Variants in DLC1 observed in about 807,000 individuals in gnomAD.
The protein encoded by DLC1 is rho GTPase-activating protein 7.
Under a neutral mutation model 140.3 loss-of-function variants are expected in DLC1, and 54 were observed. The observed-to-expected ratio is 0.38, with a 90% CI of 0.31 to 0.48. The LOEUF is 0.48. Among genes scored for constraint, DLC1 ranks in the 20% least tolerant of loss-of-function variants. The pLI is 0.96. For missense variants in DLC1, 2,536 were observed against 1,907.0 expected (o/e 1.33, Z -6.14); for synonymous variants, 986 against 728.1 (o/e 1.35, Z -5.70).
intron 5 of DLC1, among the ~76,000 whole-genome samples, chr8:13,200,942 C>G (rs1248817498): frequency 6.6e-6 from 1 of 152,144 alleles, no homozygotes; most frequent in African/African-American, 2.4e-5. Context: ...AGGTTTGGCT[C>G]TGAATCTCCA....
At chr8:13,502,577 T>C (rs952747850) in intron 1 of DLC1, among the ~76,000 whole-genome samples, 13 of 152,210 alleles carry the variant, frequency 8.5e-5, no homozygotes, top group Admixed American at 2.0e-4. Context: ...GAGCATTAGA[T>C]TATTGTCAAT....
At chr8:13,283,346 T>G (rs560278442) in intron 5 of DLC1, among the ~76,000 whole-genome samples, 1 of 152,004 alleles carries the variant, frequency 6.6e-6, no homozygotes, top group South Asian at 2.1e-4. Context: ...TCAACTTTTT[T>G]TTTCCAGAAA....
chr8:13,567,645 G>C (rs1266839408), intron 1 of DLC1: 1 of 1,551,670 alleles, frequency 6.4e-7, no homozygotes, highest in South Asian at 1.2e-5. Context: ...TGAAACAAAA[G>C]AAGACTTTAC....
At chr8:13,228,846 A>T (rs1410413388) in intron 5 of DLC1, among the ~76,000 whole-genome samples, 1 of 152,222 alleles carries the variant, frequency 6.6e-6, no homozygotes, top group Non-Finnish European at 1.5e-5. Flanking sequence ...ATCATCAGCC[A>T]TGCATACAGA....
intron 2 of DLC1, among the ~76,000 whole-genome samples, chr8:13,437,859 A>T (rs1250024638): frequency 2.6e-5 from 4 of 152,126 alleles, no homozygotes; most frequent in African/African-American, 7.2e-5. Context: ...AGGCCATTTG[A>T]TGCTGACACA....
At chr8:13,486,953 C>G (rs1224485842) in intron 2 of DLC1, among the ~76,000 whole-genome samples, 1 of 152,192 alleles carries the variant, frequency 6.6e-6, no homozygotes, top group African/African-American at 2.4e-5. Flanking sequence ...AATGTAGGTA[C>G]TGGTCAGCTG....
chr8:13,179,494 A>G (rs927948090), intron 5 of DLC1, among the ~76,000 whole-genome samples: 1 of 152,082 alleles, frequency 6.6e-6, no homozygotes, highest in African/African-American at 2.4e-5. Context: ...TCTGAGGCAG[A>G]CAGATTGCTT....
chr8:13,272,904 T>C (rs143554898), intron 5 of DLC1, among the ~76,000 whole-genome samples: 184 of 152,154 alleles, frequency 1.2e-3, no homozygotes, highest in African/African-American at 4.2e-3. Flanking sequence ...CAAACAAAAA[T>C]AGCTTTTAAC....
chr8:13,558,041 A>G (rs148581630), intron 1 of DLC1: 1 of 152,174 alleles, frequency 6.6e-6, no homozygotes, highest in African/African-American at 2.4e-5. Context: ...GCTCTGATTC[A>G]TGAGTGACAG....
chr8:13,184,430 G>A (rs976441177), intron 5 of DLC1, among the ~76,000 whole-genome samples: 1 of 152,072 alleles, frequency 6.6e-6, no homozygotes, highest in African/African-American at 2.4e-5. Context: ...TCTCTTGTGG[G>A]CATTTAGTGC....
intron 1 of DLC1, among the ~76,000 whole-genome samples, chr8:13,512,899 C>T (rs916532870): frequency 2.0e-5 from 3 of 150,040 alleles, no homozygotes; most frequent in African/African-American, 7.4e-5. Context: ...TGAAGGCATA[C>T]TGATTTGATT....
chr8:13,395,091 C>T (rs192730413), intron 3 of DLC1, among the ~76,000 whole-genome samples: 487 of 150,072 alleles, frequency 3.2e-3, no homozygotes, highest in Middle Eastern at 6.8e-3. Context: ...GTCTACCTTC[C>T]TATCCATCTA....
At chr8:13,200,361 C>T (rs547436732) in intron 5 of DLC1, among the ~76,000 whole-genome samples, 5 of 152,028 alleles carry the variant, frequency 3.3e-5, no homozygotes, top group East Asian at 3.9e-4. Flanking sequence ...TGCACCTGGC[C>T]GATAATTTAC....
intron 5 of DLC1, among the ~76,000 whole-genome samples, chr8:13,244,329 A>C (rs1829668223): frequency 7.1e-6 from 1 of 140,450 alleles, no homozygotes; most frequent in South Asian, 2.2e-4. Context: ...ACAGGATCTC[A>C]CTCTGTTGTT....
At position 13,579,358 on chromosome 8, in the gene DLC1, T is replaced by A. The variant is rs1414423295; in HGVS notation, c.-126+25179A>T. Among the ~76,000 whole-genome samples the A allele has an allele frequency of 4.8e-5, 2 of 41,654 alleles. 1 individual carries two copies. The highest frequency in any genetic ancestry group is 7.6e-5 in the Non-Finnish European group (2 of 26,146). The allele number at this position is 41,654 out of a possible 152,430, so 27.3% of individuals were successfully genotyped here. On this transcript the variant is annotated intron_variant, in intron 1 of 1. Coordinates refer to the DLC1 transcript ENST00000631382. ...ATATATATATATATATATATATATA[T>A]ATATTTTTATATAATACATATTTAT... is the stretch of plus-strand genomic sequence containing the variant.
chr8:13,502,138 C>G (rs1442383967), intron 1 of DLC1, among the ~76,000 whole-genome samples: 1 of 152,150 alleles, frequency 6.6e-6, no homozygotes, highest in Non-Finnish European at 1.5e-5. Flanking sequence ...GCCTTTAAGA[C>G]TTGACAATAA....
intron 4 of DLC1, among the ~76,000 whole-genome samples, chr8:13,344,644 G>A (rs1480332583): frequency 1.3e-5 from 2 of 152,206 alleles, no homozygotes; most frequent in African/African-American, 2.4e-5. Context: ...TGGTAGGAAT[G>A]GTTACTGATG....
chr8:13,361,725 C>T lies in DLC1; in HGVS notation c.1314+31828G>A, dbSNP rs190804732. ...TGAACTTTTAGACAAGTTTTCCCTACCAAAATCTAATGTCCCTTCTGTTAG... is the reference window on the plus strand; with the variant it reads ...TGAACTTTTAGACAAGTTTTCCCTATCAAAATCTAATGTCCCTTCTGTTAG... On this transcript the variant is annotated intron_variant, in intron 4 of 17. Coordinates refer to ENST00000276297, the MANE Select transcript of DLC1 (RefSeq NM_182643.3). Among the ~76,000 whole-genome samples, 435 of 152,276 alleles carry T rather than the reference C, an allele frequency of 2.9e-3. 1 individual carries two copies. The highest frequency in any genetic ancestry group is 5.0e-3 in the Non-Finnish European group (337 of 68,022).
At chr8:13,477,445 G>A (rs151172594) in intron 2 of DLC1, among the ~76,000 whole-genome samples, 194 of 152,290 alleles carry the variant, frequency 1.3e-3, no homozygotes, top group African/African-American at 4.0e-3. Flanking sequence ...ATAAGACTTT[G>A]CTATAGTAGT....
Sources: gnomAD v4.1 joint callset for allele counts (sites outside exome capture counted in the v4.1 genomes callset) on GRCh38, gnomAD v4.1.1 for gene constraint, MANE v1.5 for transcripts, NCBI Gene and HGNC (gene_info 2026-07-23, HGNC 2026-07-21) for gene names.